The following TTBK1 variants were observed in gnomAD, a reference collection of about 807,000 sequenced individuals.
TTBK1 encodes tau-tubulin kinase 1.
Under a neutral mutation model 108.5 loss-of-function variants are expected in TTBK1, and 34 were observed. That is an observed-to-expected ratio of 0.31 (90% CI 0.24 to 0.42). TTBK1 has a LOEUF of 0.42. Ranked by LOEUF, TTBK1 falls within the 10% of genes least tolerant of loss-of-function variation. The pLI, the probability that TTBK1 is intolerant of heterozygous loss-of-function variation, is 1.00. For missense variants in TTBK1, 1,539 were observed against 1,826.0 expected, an observed-to-expected ratio of 0.84 and a Z score of 2.86; for synonymous variants, 809 against 795.1, an observed-to-expected ratio of 1.02 and a Z score of -0.29.
At chr6:43,250,981 C>A (rs1777223120) in intron 2 of TTBK1, among the ~76,000 whole-genome samples, 1 of 152,216 alleles carries the variant, frequency 6.6e-6, no homozygotes, top group African/African-American at 2.4e-5. Flanking sequence ...GCTCTGAGAT[C>A]CTGCCTTTAA....
chr6:43,248,689 C>T (rs530472179), intron 2 of TTBK1, among the ~76,000 whole-genome samples: 69 of 152,230 alleles, frequency 4.5e-4, no homozygotes, highest in African/African-American at 1.6e-3. Flanking sequence ...TGCCATTGCA[C>T]CCCAGCCTGG....
In TTBK1 at chr6:43,287,810, C is replaced by A. The variant is rs1217605771; in HGVS notation, c.*2434C>A. 1 of 152,568 alleles carries A rather than the reference C, an allele frequency of 6.6e-6. No individual in the cohort carries two copies. Among genetic ancestry groups the A allele is most frequent in the Non-Finnish European group, 1.5e-5 (1 of 68,210 alleles). The allele number at this position is 152,568 out of a possible 1,614,324, so 9.5% of individuals were successfully genotyped here. Reference sequence around the variant, plus strand: ...CTTCCTCTGTAAAAGTGTCACACCACCTCCCTCAGCACTTCCCCATCACAA... The same window carrying A: ...CTTCCTCTGTAAAAGTGTCACACCAACTCCCTCAGCACTTCCCCATCACAA... On this transcript the variant is annotated 3_prime_UTR_variant, in exon 15 of 15. Transcript: ENST00000259750. This position sits in a 1 kb window ranked among gnomAD's most constrained non-coding sequence, Gnocchi z 4.1.
Position 43,246,683 on chromosome 6 carries a change from T to C in TTBK1, c.23T>C (p.Leu8Pro). The C allele has an allele frequency of 1.2e-6, 2 of 1,610,742 alleles. No individual in the cohort carries two copies. The highest frequency in any genetic ancestry group is 1.1e-5 in the South Asian group (1 of 90,658). Residue 8 changes from leucine to proline, a missense_variant, in exon 2 of 15, where the codon CTT becomes CCT. Transcript: ENST00000259750. MQCLAAA[L>P]KDETNMSGGG... The stretch of plus-strand genomic sequence containing the variant: ...CGGATGCAGTGCCTAGCGGCCGCCC[T>C]TAAGGACGAAACCAACATGAGTGGG...
In TTBK1 at chr6:43,285,659, C is replaced by G. The variant is rs1449641297; in HGVS notation, c.*283C>G. 3.6e-6 allele frequency: 1 copy of G among 280,866 alleles called. No homozygotes were observed. Among genetic ancestry groups the G allele is most frequent in the Non-Finnish European group, 6.6e-6 (1 of 151,972 alleles). 17.4% of individuals were successfully genotyped at this position (280,866 alleles called of 1,614,324 possible). On this transcript the variant is annotated 3_prime_UTR_variant, in exon 15 of 15. Transcript: ENST00000259750. The surrounding 1 kb of genome is among the most constrained non-coding windows in gnomAD (Gnocchi z 4.7). ...CGCCGCCCGTCAGGCCGGCCAGCCT[C>G]ACATCAGTCTCTCCGCCCCGGGGAA...
rs759123495 is a variant in TTBK1, at chr6:43,283,026, A to G, written c.2286A>G (p.Glu762=). The G allele has an allele frequency of 4.4e-6, 7 of 1,589,792 alleles. No individual in the cohort carries two copies. Among genetic ancestry groups the G allele is most frequent in the Middle Eastern group, 1.7e-4 (1 of 5,842 alleles). ...AGGAAGAGGAAGAGGAGGAGGAAGA[A>G]GAGGAGGAGGAGGAAGAGGAGGAGG... is the stretch of plus-strand genomic sequence containing the variant. ...EEEEEEEEEE[E]EEEEEEEEEA... Residue 762 remains glutamate, a synonymous_variant, in exon 14 of 15, where the codon GAA becomes GAG. Transcript: ENST00000259750. This position sits in a 1 kb window ranked among gnomAD's most constrained non-coding sequence, Gnocchi z 8.1.
chr6:43,253,205 A>G lies in TTBK1; in HGVS notation c.257-86A>G. ...AGGGCCAGCACTGGAGGGACCAGGA[A>G]TCAAGAGTGCACTAGGAACCCATCT... On this transcript the variant is annotated intron_variant, in intron 3 of 14. Coordinates refer to ENST00000259750, the MANE Select transcript of TTBK1 (RefSeq NM_032538.3). This position sits in a 1 kb window ranked among gnomAD's most constrained non-coding sequence, Gnocchi z 5.8. The G allele has an allele frequency of 7.1e-7, 1 of 1,410,512 alleles. No individual in the cohort carries two copies. The highest frequency in any genetic ancestry group is 1.7e-5 in the Admixed American group (1 of 59,688). The allele number at this position is 1,410,512 out of a possible 1,614,324, so 87.4% of individuals were successfully genotyped here. A position where few individuals can be genotyped will look rare whatever the true frequency, so the allele number is the denominator to read the frequency against.
chr6:43,270,761 C>T lies in TTBK1; in HGVS notation c.1986+7411C>T. Reference sequence around the variant, plus strand: ...ATCCACCTCCCAAGGCAGGCTGGAACTGAGCAACGAGGAGACCCAGCTTAG... The same window carrying T: ...ATCCACCTCCCAAGGCAGGCTGGAATTGAGCAACGAGGAGACCCAGCTTAG... On this transcript the variant is annotated intron_variant, in intron 13 of 14. Transcript: ENST00000259750. 4.1e-6 allele frequency: 4 copies of T among 985,476 alleles called. No individual in the cohort carries two copies. The South Asian group carries it at 1.9e-4, about 46-fold the overall frequency. 61.0% of individuals were successfully genotyped at this position (985,476 alleles called of 1,614,324 possible).
chr6:43,266,998 CGTGTGTGTGTGTGTGTGTGTGT>C lies in TTBK1; in HGVS notation c.1986+3681_1986+3702del, dbSNP rs3997628. The stretch of plus-strand genomic sequence containing the variant: ...AGGATCAGAGAGAGCCTGGAGCATG[CGTGTGTGTGTGTGTGTGTGTGT>C]GTGTGTGTGTGTGTGTGTGTGTGTG... On this transcript the variant is annotated intron_variant, in intron 13 of 14. Coordinates refer to ENST00000259750, the MANE Select transcript of TTBK1 (RefSeq NM_032538.3). Among the ~76,000 whole-genome samples, 30 of 128,204 alleles carry C rather than the reference CGTGTGTGTGTGTGTGTGTGTGT, an allele frequency of 2.3e-4. 1 individual carries two copies. In the Middle Eastern group the frequency reaches 0.012, roughly 50 times the overall value. The allele number at this position is 128,204 out of a possible 152,430, so 84.1% of individuals were successfully genotyped here.
chr6:43,285,599 C>A lies in TTBK1; in HGVS notation c.*223C>A. On this transcript the variant is annotated 3_prime_UTR_variant, in exon 15 of 15. Transcript: ENST00000259750. The surrounding 1 kb of genome is among the most constrained non-coding windows in gnomAD (Gnocchi z 4.7). ...GGCCCCGCGCCGCGGGGAGGGTCTG[C>A]CTCCCCTTCCTCGCCCTGTGTCCTC... 2.4e-6 allele frequency: 1 copy of A among 413,996 alleles called. No homozygotes were observed. Among genetic ancestry groups the A allele is most frequent in the Non-Finnish European group, 3.9e-6 (1 of 257,570 alleles). 25.6% of individuals were successfully genotyped at this position (413,996 alleles called of 1,614,324 possible). A position where few individuals can be genotyped will look rare whatever the true frequency, so the allele number is the denominator to read the frequency against.
chr6:43,255,186 G>T, intron 7 of TTBK1, 72 bp downstream of exon 7: 1 of 1,201,284 alleles, frequency 8.3e-7, no homozygotes, highest in Admixed American at 1.9e-5. Context: ...GTGCTGCTGG[G>T]GAGGGGTGGG....
chr6:43,283,790 G>A lies in TTBK1; in HGVS notation c.3050G>A (p.Gly1017Asp). 6.2e-7 allele frequency: 1 copy of A among 1,613,214 alleles called. No homozygotes were observed. The change falls in exon 14 of 15, where the codon GGC becomes GAC. Residue 1017 changes from glycine to aspartate, a missense_variant. Physicochemically the swap from Gly to Asp is moderately conservative, Grantham distance 94. Transcript: ENST00000259750. The surrounding 1 kb of genome is among the most constrained non-coding windows in gnomAD (Gnocchi z 8.1). The part of the protein sequence containing the change: ...SEMATNSLPN[G>D]PALADGPAPV... ...ATGGCCACAAACTCACTGCCCAATG[G>A]CCCGGCCCTTGCAGACGGGCCAGCC...
In TTBK1 at chr6:43,286,373, C is replaced by T. The variant is rs1778383435; in HGVS notation, c.*997C>T. ...GCAGTTCCAGCCAACCTGCTCTTTC[C>T]TGAGTTCAAAGCAGGTGGAGACTGG... On this transcript the variant is annotated 3_prime_UTR_variant, in exon 15 of 15. Coordinates refer to ENST00000259750, the MANE Select transcript of TTBK1 (RefSeq NM_032538.3). The surrounding 1 kb of genome is among the most constrained non-coding windows in gnomAD (Gnocchi z 4.6). The T allele has an allele frequency of 1.3e-5, 2 of 152,766 alleles. No homozygotes were observed. Among genetic ancestry groups the T allele is most frequent in the Non-Finnish European group, 2.9e-5 (2 of 68,136 alleles). 9.5% of individuals were successfully genotyped at this position (152,766 alleles called of 1,614,324 possible). A position where few individuals can be genotyped will look rare whatever the true frequency, so the allele number is the denominator to read the frequency against.
At chr6:43,279,316 G>A (rs1339578941) in intron 13 of TTBK1, among the ~76,000 whole-genome samples, 3 of 152,184 alleles carry the variant, frequency 2.0e-5, no homozygotes, top group Non-Finnish European at 4.4e-5. Flanking sequence ...CAAAGGAAAG[G>A]GTGTCTCTAA....
At chr6:43,275,356 C>T (rs979182310) in intron 13 of TTBK1, among the ~76,000 whole-genome samples, 1 of 151,876 alleles carries the variant, frequency 6.6e-6, no homozygotes, top group African/African-American at 2.4e-5. Flanking sequence ...TCGCGTCCCC[C>T]GCCGCCCCCG....
rs777894836 is a variant in TTBK1 at position 43,284,204 on chromosome 6, G to A, written c.3464G>A (p.Arg1155Gln). ...KSGRAAATRS[R>Q]IPRPIGLRMP... ...GGGAGGGCAGCCGCCACCAGGAGCC[G>A]GATTCCCCGCCCCATTGGCCTCCGC... The change falls in exon 14 of 15, where the codon CGG becomes CAG. Residue 1155 changes from arginine to glutamine, a missense_variant. Physicochemically the swap from Arg to Gln is conservative, Grantham distance 43. Around this residue, in one of 5 missense-constraint regions of TTBK1, gnomAD observed 1,055 missense variants for 1,086.5 expected, o/e 0.97. Transcript: ENST00000259750. 41 of 1,586,288 alleles carry A rather than the reference G, an allele frequency of 2.6e-5. No homozygotes were observed. The highest frequency in any genetic ancestry group is 3.3e-5 in the Non-Finnish European group (39 of 1,174,008).
In TTBK1 at chr6:43,282,765, C is replaced by T. The variant is rs2150714314; in HGVS notation, c.2025C>T (p.Leu675=). Residue 675 remains leucine (L), a synonymous_variant, in exon 14 of 15, where the codon CTC becomes CTT. Coordinates refer to ENST00000259750, the MANE Select transcript of TTBK1 (RefSeq NM_032538.3). The surrounding 1 kb of genome is among the most constrained non-coding windows in gnomAD (Gnocchi z 5.4). ...CGCCCCCATTTGAGGTGAATGGCCTCCCACGAGCTGTGCCTCTGAGTCTGC... is the reference window on the plus strand; with the variant it reads ...CGCCCCCATTTGAGGTGAATGGCCTTCCACGAGCTGTGCCTCTGAGTCTGC... ...SVAPPFEVNG[L]PRAVPLSLPY... 1 of 1,612,916 alleles carries T rather than the reference C, an allele frequency of 6.2e-7. No homozygotes were observed. The highest frequency in any genetic ancestry group is 8.5e-7 in the Non-Finnish European group (1 of 1,179,564).
chr6:43,253,298 C>T lies in TTBK1; in HGVS notation c.264C>T (p.Asp88=). The change falls in exon 4 of 15, where the codon GAC becomes GAT. Residue 88 remains aspartate (D), a synonymous_variant. Transcript: ENST00000259750. The surrounding 1 kb of genome is among the most constrained non-coding windows in gnomAD (Gnocchi z 5.8). ...TATGTCTGTGCCCCTCAGGGAAGGA[C>T]CATGTGTGCAGGTTCATTGGCTGTG... The part of the protein sequence containing the change: ...VAVLKKLQGK[D]HVCRFIGCGR... 6.2e-7 allele frequency: 1 copy of T among 1,614,052 alleles called. No individual in the cohort carries two copies. The highest frequency in any genetic ancestry group is 1.1e-5 in the South Asian group (1 of 91,066).
At chr6:43,272,192 G>T in intron 13 of TTBK1, 2 of 985,384 alleles carry the variant, frequency 2.0e-6, no homozygotes, top group Non-Finnish European at 2.4e-6. Context: ...GCAGCAGTGT[G>T]GGCAAGGGCC....
chr6:43,246,889 A>C (rs1015440915), intron 2 of TTBK1, 121 bp downstream of exon 2: 3 of 674,862 alleles, frequency 4.4e-6, no homozygotes, highest in Non-Finnish European at 7.5e-6. Context: ...CTCTAAGCTC[A>C]TTTGCATACT....
Sources: allele counts gnomAD v4.1 joint callset (sites outside exome capture counted in the v4.1 genomes callset), GRCh38; gene constraint gnomAD v4.1.1; regional missense constraint gnomAD v4.1.1; non-coding constraint Gnocchi (gnomAD v3.1); transcripts MANE v1.5; gene names NCBI Gene and HGNC (gene_info 2026-07-23, HGNC 2026-07-21).